The following ASB5 variants were observed in gnomAD, a reference collection of about 807,000 sequenced individuals.
ASB5 encodes ankyrin repeat and SOCS box protein 5.
Under a neutral mutation model 42.1 loss-of-function variants are expected in ASB5, and 45 were observed. The observed-to-expected ratio is 1.07, with a 90% CI of 0.84 to 1.37. ASB5 has a LOEUF of 1.37. Ranked by LOEUF, ASB5 falls within the 40% of genes most tolerant of loss-of-function variation. ASB5 has a pLI of 0.00. For missense variants in ASB5, 402 were observed against 399.8 expected (o/e 1.01, Z -0.05); for synonymous variants, 147 against 150.6 (o/e 0.98, Z 0.18).
intron 1 of ASB5, among the ~76,000 whole-genome samples, chr4:176,226,025 C>T (rs1004719169): frequency 3.9e-5 from 6 of 152,176 alleles, no homozygotes; most frequent in Non-Finnish European, 2.9e-5. Flanking sequence ...ATATAGGTGC[C>T]ACGTTGACAA....
rs1189736163 is a variant in ASB5, at chr4:176,246,844, A to G, written c.197-21503T>C. 4.6e-5 allele frequency among the ~76,000 whole-genome samples: 7 copies of G among 152,220 alleles called. No homozygotes were observed. In the East Asian group the frequency reaches 1.3e-3, roughly 29 times the overall value. ...CAACATCATACAAGAGGTTTAATCC[A>G]TAGAATAAAGAAAGAAGAAGAAATA... On this transcript the variant is annotated intron_variant, in intron 1 of 6. Coordinates refer to ENST00000296525, the MANE Select transcript of ASB5 (RefSeq NM_080874.4).
intron 3 of ASB5, 123 bp from the exon 4 acceptor site, chr4:176,221,723 T>C (rs2126945033): frequency 1.1e-6 from 1 of 889,354 alleles, no homozygotes; most frequent in Non-Finnish European, 1.6e-6. Context: ...GCACATTAAA[T>C]ATGACAAAGT....
intron 1 of ASB5, among the ~76,000 whole-genome samples, chr4:176,245,001 A>T (rs1311300469): frequency 6.6e-6 from 1 of 152,108 alleles, no homozygotes; most frequent in Non-Finnish European, 1.5e-5. Flanking sequence ...CCCAGGCCTC[A>T]CCTCAGTCAC....
chr4:176,238,163 T>A (rs1753731421), intron 1 of ASB5, among the ~76,000 whole-genome samples: 1 of 136,018 alleles, frequency 7.4e-6, no homozygotes, highest in Admixed American at 8.4e-5. Context: ...GCAGAGATTG[T>A]ACCACTGCAC....
chr4:176,221,655 C>T lies in ASB5; in HGVS notation c.385-55G>A, dbSNP rs113209719. The T allele has an allele frequency of 9.6e-4, 1,383 of 1,446,788 alleles. 7 individuals are homozygous for T. In the African/African-American group the frequency reaches 0.016, roughly 16 times the overall value. The allele number at this position is 1,446,788 out of a possible 1,614,324, so 89.6% of individuals were successfully genotyped here. ...GATTCATAAGTCATACATGAGTAAC[C>T]GACTTAGGCATTGTCAAAAGGTATG... On this transcript the variant is annotated intron_variant, in intron 3 of 6. Transcript: ENST00000296525.
chr4:176,250,165 A>G (rs1754006063), intron 1 of ASB5, among the ~76,000 whole-genome samples: 1 of 152,118 alleles, frequency 6.6e-6, no homozygotes, highest in Non-Finnish European at 1.5e-5. Flanking sequence ...ATTACACATT[A>G]TTTGGTGACT....
intron 2 of ASB5, among the ~76,000 whole-genome samples, chr4:176,274,422 G>A (rs987502462): frequency 4.6e-5 from 7 of 152,210 alleles, no homozygotes; most frequent in Admixed American, 1.3e-4. Context: ...ATTATGAAGC[G>A]GGTATCATTA....
intron 1 of ASB5, among the ~76,000 whole-genome samples, chr4:176,265,768 C>T (rs924300176): frequency 1.1e-4 from 17 of 152,084 alleles, no homozygotes; most frequent in African/African-American, 4.1e-4. Flanking sequence ...CCTTGAAAGC[C>T]TGGTAGTCTC....
At chr4:176,272,819 G>A (rs1433637867), upstream of ASB5, among the ~76,000 whole-genome samples, 2 of 151,966 alleles carry the variant, frequency 1.3e-5, no homozygotes, top group Non-Finnish European at 1.5e-5. Context: ...CTTAGCTACA[G>A]TATTGATCCA....
intron 1 of ASB5, among the ~76,000 whole-genome samples, chr4:176,264,752 T>C (rs1754324390): frequency 1.3e-5 from 2 of 152,132 alleles, no homozygotes; most frequent in Admixed American, 1.3e-4. Context: ...TATCTAACTC[T>C]GGGAGAAAAA....
At chr4:176,227,507 TA>T (rs1753413064) in intron 1 of ASB5, among the ~76,000 whole-genome samples, 1 of 152,170 alleles carries the variant, frequency 6.6e-6, no homozygotes, top group Non-Finnish European at 1.5e-5. Flanking sequence ...CCTGATTGCC[TA>T]AATAAAAGCA....
At chr4:176,237,326 C>T (rs190125430) in intron 1 of ASB5, 375 of 985,878 alleles carry the variant, frequency 3.8e-4, no homozygotes, top group Middle Eastern at 2.1e-3. Context: ...GCTAGCTTTT[C>T]GTTTAGAAGA....
intron 1 of ASB5, among the ~76,000 whole-genome samples, chr4:176,248,881 T>C (rs1225448645): frequency 1.3e-5 from 2 of 152,160 alleles, no homozygotes; most frequent in African/African-American, 2.4e-5. Context: ...AAGGAGAAGG[T>C]ATTGTGATTG....
upstream of ASB5, among the ~76,000 whole-genome samples, chr4:176,269,811 TTAGAGTC>T (rs1317182324): frequency 1.3e-5 from 2 of 152,204 alleles, no homozygotes; most frequent in African/African-American, 4.8e-5. Context: ...CACAAGGAAC[TTAGAGTC>T]TAGTGGAGGA....
Position 176,254,195 on chromosome 4 carries a change from G to A in ASB5, c.196+14718C>T, listed in dbSNP as rs185282348. On this transcript the variant is annotated intron_variant, in intron 1 of 6. Transcript: ENST00000296525. ...CTAAGGCTACAGTAACTGAAACAGC[G>A]TGGTAGTGGTGCAAAAACAAATACA... 7.0e-4 allele frequency among the ~76,000 whole-genome samples: 106 copies of A among 152,242 alleles called. No homozygotes were observed. The South Asian group carries it at 0.011, about 16-fold the overall frequency.
intron 1 of ASB5, among the ~76,000 whole-genome samples, chr4:176,249,060 G>A (rs1056890612): frequency 6.6e-5 from 10 of 152,138 alleles, no homozygotes; most frequent in Admixed American, 5.9e-4. Flanking sequence ...TCTGCTTCCC[G>A]GGTCCCAACG....
intron 1 of ASB5, among the ~76,000 whole-genome samples, chr4:176,252,073 AAAAAAAAAAAG>A (rs1252153742): frequency 1.4e-5 from 1 of 73,368 alleles, no homozygotes; most frequent in African/African-American, 6.2e-5. Flanking sequence ...CTCAAAAAAA[AAAAAAAAAAAG>A]AAAAAAAAAA....
intron 1 of ASB5, among the ~76,000 whole-genome samples, chr4:176,231,832 G>A (rs1753554138): frequency 2.1e-5 from 2 of 97,112 alleles, no homozygotes; most frequent in South Asian, 7.9e-4. Flanking sequence ...GCAACAGAGT[G>A]AGACTCTGTC....
chr4:176,236,918 A>C (rs115785355), intron 1 of ASB5, among the ~76,000 whole-genome samples: 2,003 of 152,292 alleles, frequency 0.013, 41 homozygotes, highest in African/African-American at 0.046. Context: ...TTCTTGCCTA[A>C]ATCATCCTCC....
Sources: gnomAD v4.1 joint callset for allele counts (sites outside exome capture counted in the v4.1 genomes callset) on GRCh38, gnomAD v4.1.1 for gene constraint, MANE v1.5 for transcripts, NCBI Gene and HGNC (gene_info 2026-07-23, HGNC 2026-07-21) for gene names.